The following GPBP1L1 variants were observed in gnomAD, a reference collection of about 807,000 sequenced individuals.
GPBP1L1 encodes the protein vasculin-like protein 1.
GPBP1L1 carries 23 observed loss-of-function variants against 52.5 expected under a neutral mutation model. The observed-to-expected ratio is 0.44, with a 90% CI of 0.32 to 0.62. The LOEUF is 0.62. Among genes scored for constraint, GPBP1L1 ranks in the 20% least tolerant of loss-of-function variants. The pLI, the probability that GPBP1L1 is intolerant of heterozygous loss-of-function variation, is 0.06. For missense variants in GPBP1L1, 596 were observed against 579.3 expected (o/e 1.03, Z -0.30); for synonymous variants, 243 against 203.1 (o/e 1.20, Z -1.67).
intron 12 of GPBP1L1, 96 bp downstream of exon 12, chr1:45,629,471 CGATCTTTCT>C: frequency 1.2e-4 from 17 of 141,836 alleles, no homozygotes; most frequent in South Asian, 7.8e-4. Flanking sequence ...CCCCCCCACC[CGATCTTTCT>C]CTCACATTAA....
chr1:45,647,482 C>T lies in GPBP1L1; in HGVS notation c.478-4983G>A, dbSNP rs533324826. Among the ~76,000 whole-genome samples, 6 of 152,312 alleles carry T rather than the reference C, an allele frequency of 3.9e-5. No homozygotes were observed. In the South Asian group the frequency reaches 8.3e-4, roughly 21 times the overall value. ...GGTTACCGCTTCTTAGTCACAAAGT[C>T]ATCCCTTCTGCCTGTTGAGCAAAAA... On this transcript the variant is annotated intron_variant, in intron 6 of 12. Transcript: ENST00000355105.
intron 7 of GPBP1L1, 105 bp from the exon 8 acceptor site, chr1:45,640,508 G>A: frequency 1.1e-6 from 1 of 872,244 alleles, no homozygotes. Context: ...TGACAGTTGA[G>A]ACAGAGGGAT....
intron 11 of GPBP1L1, among the ~76,000 whole-genome samples, chr1:45,630,097 C>A (rs1312247322): frequency 2.6e-5 from 4 of 152,104 alleles, no homozygotes; most frequent in African/African-American, 9.7e-5. Flanking sequence ...ATTACAGGCG[C>A]ACACTACCAT....
upstream of GPBP1L1, chr1:45,687,340 C>T (rs1229480791): frequency 6.6e-6 from 1 of 152,328 alleles, no homozygotes; most frequent in African/African-American, 2.4e-5. Context: ...GAAGGCCTAG[C>T]TCGACTAAAA....
chr1:45,658,843 G>C, intron 4 of GPBP1L1, 185 bp downstream of exon 4: 1 of 562,788 alleles, frequency 1.8e-6, no homozygotes, highest in Non-Finnish European at 3.2e-6. Context: ...TCTGGGAGCT[G>C]AGTCAGGAGG....
intron 2 of GPBP1L1, among the ~76,000 whole-genome samples, chr1:45,668,422 G>A (rs1397949914): frequency 6.6e-6 from 1 of 152,216 alleles, no homozygotes; most frequent in East Asian, 1.9e-4. Flanking sequence ...GGGAGGCTGA[G>A]GCAGGCGGAT....
intron 2 of GPBP1L1, among the ~76,000 whole-genome samples, chr1:45,673,588 G>A (rs1277136124): frequency 6.6e-6 from 1 of 152,198 alleles, no homozygotes; most frequent in Non-Finnish European, 1.5e-5. Flanking sequence ...TCGGCTGGGC[G>A]CGGTGGCTCA....
At chr1:45,677,951 A>G (rs1013112203) in intron 2 of GPBP1L1, among the ~76,000 whole-genome samples, 4 of 152,094 alleles carry the variant, frequency 2.6e-5, no homozygotes, top group African/African-American at 9.7e-5. Context: ...AAGTTGTAAA[A>G]CCTCTATGAC....
chr1:45,658,684 CT>C (rs1208092396), intron 4 of GPBP1L1: 4 of 271,428 alleles, frequency 1.5e-5, no homozygotes, highest in African/African-American at 8.9e-5. Flanking sequence ...AATCCCAGCA[CT>C]TTGGGAAGTC....
rs891951079 is a variant in GPBP1L1 at position 45,634,344 on chromosome 1, C to T, written c.745-108G>A. 13 of 1,126,352 alleles carry T rather than the reference C, an allele frequency of 1.2e-5. No homozygotes were observed. The African/African-American group carries it at 1.5e-4, about 13-fold the overall frequency. 69.8% of individuals were successfully genotyped at this position (1,126,352 alleles called of 1,614,324 possible). ...AATGTTACATGAGAACATAAGTTTC[C>T]AGGGCTTACCTGTCTTAACATGTTT... On this transcript the variant is annotated intron_variant, in intron 8 of 12. Transcript: ENST00000355105.
intron 7 of GPBP1L1, 91 bp downstream of exon 7, chr1:45,642,336 A>G: frequency 1.2e-6 from 1 of 841,048 alleles, no homozygotes. Context: ...GATGAGAAAC[A>G]AGAGATAAAA....
chr1:45,684,342 C>T (rs2148529097), intron 2 of GPBP1L1, among the ~76,000 whole-genome samples: 1 of 151,406 alleles, frequency 6.6e-6, no homozygotes, highest in Non-Finnish European at 1.5e-5. Flanking sequence ...AAACAGCAGT[C>T]AGTCCCTGGC....
chr1:45,677,287 C>CT (rs1645158718), intron 2 of GPBP1L1, among the ~76,000 whole-genome samples: 1 of 148,762 alleles, frequency 6.7e-6, no homozygotes, highest in Non-Finnish European at 1.5e-5. Flanking sequence ...AGTGAGTGAG[C>CT]TGAGATTGCG....
In GPBP1L1 at chr1:45,627,855, A is replaced by C. The variant is rs540076198; in HGVS notation, c.*401T>G. 167 of 156,970 alleles carry C rather than the reference A, an allele frequency of 1.1e-3. No individual in the cohort carries two copies. Among genetic ancestry groups the C allele is most frequent in the Non-Finnish European group, 2.0e-3 (143 of 71,168 alleles). 9.7% of individuals were successfully genotyped at this position (156,970 alleles called of 1,614,324 possible). The stretch of plus-strand genomic sequence containing the variant: ...ATTAATTTAATACAATTATAACTTC[A>C]ATAGTCACTTTGTCATTGACAATGA... On this transcript the variant is annotated 3_prime_UTR_variant, in exon 13 of 13. Transcript: ENST00000355105.
rs140788423 is a variant in GPBP1L1, at chr1:45,659,254, G to A, written c.-55-112C>T. 5,885 of 644,258 alleles carry A rather than the reference G, an allele frequency of 9.1e-3. 42 individuals are homozygous for A. The highest frequency in any genetic ancestry group is 0.013 in the Non-Finnish European group (4,861 of 378,506). 39.9% of individuals were successfully genotyped at this position (644,258 alleles called of 1,614,324 possible). On this transcript the variant is annotated intron_variant, in intron 3 of 12. Transcript: ENST00000355105. ...CTTTACAGAAAGACCTGCCCTCTGA[G>A]CCTGTCTACAGATTACTTACCAAGC...
At chr1:45,643,490 A>G (rs1644700527) in intron 6 of GPBP1L1, among the ~76,000 whole-genome samples, 1 of 152,118 alleles carries the variant, frequency 6.6e-6, no homozygotes, top group East Asian at 1.9e-4. Flanking sequence ...GACCATTAGG[A>G]GATCAATTCC....
intron 2 of GPBP1L1, among the ~76,000 whole-genome samples, chr1:45,663,664 A>C (rs1352277352): frequency 6.6e-6 from 1 of 152,250 alleles, no homozygotes; most frequent in Non-Finnish European, 1.5e-5. Flanking sequence ...AAAATGAAGA[A>C]GACAGATAAA....
intron 6 of GPBP1L1, among the ~76,000 whole-genome samples, chr1:45,643,904 T>A (rs1644707064): frequency 6.6e-6 from 1 of 151,984 alleles, no homozygotes; most frequent in Admixed American, 6.6e-5. Context: ...TGACCTCAAG[T>A]GATCCACTCA....
intron 6 of GPBP1L1, among the ~76,000 whole-genome samples, chr1:45,652,831 T>A (rs1644835192): frequency 6.6e-6 from 1 of 152,120 alleles, no homozygotes; most frequent in Admixed American, 6.5e-5. Context: ...ATGCTTTCAT[T>A]GCTAGTTTGA....
Sources: allele counts gnomAD v4.1 joint callset (sites outside exome capture counted in the v4.1 genomes callset), GRCh38; gene constraint gnomAD v4.1.1; transcripts MANE v1.5; gene names NCBI Gene and HGNC (gene_info 2026-07-23, HGNC 2026-07-21).